Variants in GABRA5 observed in about 807,000 individuals in gnomAD.
GABRA5 encodes gamma-aminobutyric acid type A receptor subunit alpha5.
In GABRA5, 18 loss-of-function variants were observed where a neutral mutation model predicts 47.3. The ratio of observed to expected loss-of-function variants is 0.38; its 90% CI spans 0.26 to 0.56. The LOEUF is 0.56. Ranked by LOEUF, GABRA5 falls within the 20% of genes least tolerant of loss-of-function variation. The pLI, the probability that GABRA5 is intolerant of heterozygous loss-of-function variation, is 0.71. For synonymous variants in GABRA5, 237 were observed against 229.3 expected (o/e 1.03, Z -0.30); for missense variants, 365 against 599.3 (o/e 0.61, Z 4.08).
chr15:26,887,318 A>G (rs778456006), intron 6 of GABRA5, among the ~76,000 whole-genome samples: 1 of 152,126 alleles, frequency 6.6e-6, no homozygotes, highest in African/African-American at 2.4e-5. Flanking sequence ...CTAGGTTTCC[A>G]TGATGCCTTT....
intron 6 of GABRA5, among the ~76,000 whole-genome samples, chr15:26,907,491 TTGACGGGGTCAGACTTAG>T (rs1222436875): frequency 3.3e-5 from 5 of 152,212 alleles, no homozygotes; most frequent in Non-Finnish European, 7.3e-5. Context: ...TGCTTTGGAT[TTGACGGGGTCAGACTTAG>T]TGCTAAGGTA....
At chr15:26,875,409 G>A (rs1370199416) in intron 3 of GABRA5, among the ~76,000 whole-genome samples, 1 of 152,238 alleles carries the variant, frequency 6.6e-6, no homozygotes, top group Non-Finnish European at 1.5e-5. Flanking sequence ...AGCAGAGCAG[G>A]GGCAGAGTGG....
chr15:26,947,886 C>G, intron 10 of GABRA5, 48 bp from the exon 11 acceptor site: 1 of 1,496,974 alleles, frequency 6.7e-7, no homozygotes, highest in Non-Finnish European at 9.1e-7. Flanking sequence ...GGTGAGCTGA[C>G]CATTGCCTGC....
chr15:26,867,334 A>G lies in GABRA5; in HGVS notation c.-140+223A>G, dbSNP rs1412856459. 2.0e-5 allele frequency: 3 copies of G among 151,568 alleles called. No individual in the cohort carries two copies. The highest frequency in any genetic ancestry group is 4.4e-5 in the Non-Finnish European group (3 of 67,884). The allele number at this position is 151,568 out of a possible 1,614,324, so 9.4% of individuals were successfully genotyped here. The stretch of plus-strand genomic sequence containing the variant: ...AGCCGGGCGAGAGCAGGCGGAGGAG[A>G]AGGAGGATGCATCCTCACCGACGGC... On this transcript the variant is annotated intron_variant, in intron 1 of 10. Coordinates refer to ENST00000335625, the MANE Select transcript of GABRA5 (RefSeq NM_000810.4). The surrounding 1 kb of genome is among the most constrained non-coding windows in gnomAD (Gnocchi z 5.9).
Position 26,948,968 on chromosome 15 carries a change from AAAAC to A in GABRA5, c.*741_*744del, listed in dbSNP as rs1173176489. The A allele has an allele frequency of 8.5e-5, 13 of 152,336 alleles. No individual in the cohort carries two copies. Among genetic ancestry groups the A allele is most frequent in the Non-Finnish European group, 1.6e-4 (11 of 68,038 alleles). 9.4% of individuals were successfully genotyped at this position (152,336 alleles called of 1,614,324 possible). On this transcript the variant is annotated 3_prime_UTR_variant, in exon 11 of 11. Coordinates refer to ENST00000335625, the MANE Select transcript of GABRA5 (RefSeq NM_000810.4). ...TAGCCAAGAAAGGAAAGGAGATGTTAAAACAAACAGTGTTTTGATGACATTCTCA... is the reference window on the plus strand; with the variant it reads ...TAGCCAAGAAAGGAAAGGAGATGTTAAAACAGTGTTTTGATGACATTCTCA...
intron 8 of GABRA5, among the ~76,000 whole-genome samples, chr15:26,938,118 C>T (rs1894291322): frequency 6.6e-6 from 1 of 152,230 alleles, no homozygotes; most frequent in South Asian, 2.1e-4. Context: ...ATTGTCAGCA[C>T]CCCTACCGTT....
At chr15:26,928,346 C>T (rs1193272089) in intron 7 of GABRA5, among the ~76,000 whole-genome samples, 1 of 152,180 alleles carries the variant, frequency 6.6e-6, no homozygotes, top group Non-Finnish European at 1.5e-5. Flanking sequence ...CTCGTGTGAA[C>T]ATGTTACAGT....
At chr15:26,870,969 G>C (rs117118768) in intron 3 of GABRA5, among the ~76,000 whole-genome samples, 9 of 152,006 alleles carry the variant, frequency 5.9e-5, no homozygotes, top group Non-Finnish European at 1.2e-4. Context: ...AGCGGGGGGC[G>C]GATCGCCTGA....
chr15:26,893,511 C>T (rs1205235261), intron 6 of GABRA5, among the ~76,000 whole-genome samples: 1 of 20,964 alleles, frequency 4.8e-5, no homozygotes, highest in Non-Finnish European at 1.1e-4. Flanking sequence ...GACCTCCCTC[C>T]TGCGTGTGGA....
rs377225633 is a variant in GABRA5 at position 26,882,454 on chromosome 15, T to C, written c.209-712T>C. On this transcript the variant is annotated intron_variant, in intron 4 of 10. Coordinates refer to ENST00000335625, the MANE Select transcript of GABRA5 (RefSeq NM_000810.4). ...TTACCCGGTGTGGGCTGCAGTGCAC[T>C]TTGAATTGCTTCCTACTCATGACCA... Among the ~76,000 whole-genome samples, 137 of 152,310 alleles carry C rather than the reference T, an allele frequency of 9.0e-4. 1 individual carries two copies. The highest frequency in any genetic ancestry group is 3.1e-3 in the African/African-American group (129 of 41,574).
At chr15:26,875,183 C>A (rs1047502545) in intron 3 of GABRA5, among the ~76,000 whole-genome samples, 1 of 152,192 alleles carries the variant, frequency 6.6e-6, no homozygotes, top group Non-Finnish European at 1.5e-5. Context: ...CCAAGCCATT[C>A]TGGGTTCTGT....
At chr15:26,899,961 C>T (rs560554405) in intron 6 of GABRA5, among the ~76,000 whole-genome samples, 105 of 152,012 alleles carry the variant, frequency 6.9e-4, no homozygotes, top group African/African-American at 2.0e-3. Flanking sequence ...ATTTCTTGTT[C>T]TACAGTTCTT....
intron 10 of GABRA5, among the ~76,000 whole-genome samples, chr15:26,946,435 T>TG (rs1001689935): frequency 8.7e-5 from 4 of 45,814 alleles, no homozygotes. Flanking sequence ...ATTTATCTGT[T>TG]TTTTTTTTTT....
intron 6 of GABRA5, among the ~76,000 whole-genome samples, chr15:26,910,622 C>T (rs530359983): frequency 6.6e-6 from 1 of 151,720 alleles, no homozygotes; most frequent in African/African-American, 2.4e-5. Flanking sequence ...AATCCCATTT[C>T]CTTATCCTAA....
chr15:26,893,430 T>TGG (rs2140270892), intron 6 of GABRA5, among the ~76,000 whole-genome samples: 1 of 151,928 alleles, frequency 6.6e-6, no homozygotes, highest in Non-Finnish European at 1.5e-5. Flanking sequence ...GTGTATGGTG[T>TGG]GTGGCGTGTG....
intron 6 of GABRA5, among the ~76,000 whole-genome samples, chr15:26,907,926 G>A (rs113467760): frequency 0.018 from 2,720 of 152,114 alleles, 82 homozygotes; most frequent in African/African-American, 0.063. Context: ...AAATACATCC[G>A]TGCATTCTTT....
intron 7 of GABRA5, among the ~76,000 whole-genome samples, chr15:26,934,475 G>A (rs1024960104): frequency 6.6e-6 from 1 of 152,142 alleles, no homozygotes; most frequent in Admixed American, 6.5e-5. Context: ...TTTGGACCAA[G>A]AATAAGAAAG....
At chr15:26,903,887 G>T (rs1328953015) in intron 6 of GABRA5, among the ~76,000 whole-genome samples, 1 of 151,534 alleles carries the variant, frequency 6.6e-6, no homozygotes, top group Non-Finnish European at 1.5e-5. Flanking sequence ...TTAGACTTTT[G>T]CAGATATTTT....
intron 8 of GABRA5, among the ~76,000 whole-genome samples, chr15:26,938,060 C>G (rs1159967759): frequency 1.3e-5 from 2 of 152,210 alleles, no homozygotes; most frequent in African/African-American, 4.8e-5. Context: ...AGAAAGAGCT[C>G]TAAGCCCCAG....
Sources: gnomAD v4.1 joint callset for allele counts (sites outside exome capture counted in the v4.1 genomes callset) on GRCh38, gnomAD v4.1.1 for gene constraint, Gnocchi (gnomAD v3.1) non-coding constraint, MANE v1.5 for transcripts, NCBI Gene and HGNC (gene_info 2026-07-23, HGNC 2026-07-21) for gene names.